The following KSR2 variants were observed in gnomAD, a reference collection of about 807,000 sequenced individuals.
The protein encoded by KSR2 is kinase suppressor of ras 2.
A neutral mutation model predicts 107.8 loss-of-function variants in KSR2; 25 were observed. The ratio of observed to expected loss-of-function variants is 0.23; its 90% CI spans 0.17 to 0.32. KSR2 has a LOEUF of 0.32. Ranked by LOEUF, KSR2 falls within the 10% of genes least tolerant of loss-of-function variation. The pLI is 1.00. For missense variants in KSR2, 887 were observed against 1,268.9 expected, an observed-to-expected ratio of 0.70 and a Z score of 4.57; for synonymous variants, 480 against 507.0, an observed-to-expected ratio of 0.95 and a Z score of 0.71.
At chr12:117,592,630 G>A (rs1046800317) in intron 5 of KSR2, among the ~76,000 whole-genome samples, 4 of 152,218 alleles carry the variant, frequency 2.6e-5, no homozygotes, top group African/African-American at 9.6e-5. Flanking sequence ...TGCCGGTAAA[G>A]AAAGAAAAGA....
chr12:117,699,884 T>C (rs1339148504), intron 4 of KSR2, among the ~76,000 whole-genome samples: 1 of 152,134 alleles, frequency 6.6e-6, no homozygotes, highest in Non-Finnish European at 1.5e-5. Flanking sequence ...TTTTTGATTT[T>C]TTCCTTGAGA....
intron 3 of KSR2, among the ~76,000 whole-genome samples, chr12:117,854,472 T>C (rs1893032545): frequency 6.6e-6 from 1 of 152,222 alleles, no homozygotes; most frequent in South Asian, 2.1e-4. Context: ...CCACTCAGAT[T>C]AGAAGACTTC....
chr12:117,722,492 C>A (rs1247493365), intron 4 of KSR2, among the ~76,000 whole-genome samples: 1 of 152,194 alleles, frequency 6.6e-6, no homozygotes, highest in Non-Finnish European at 1.5e-5. Context: ...TGGCCAAAAC[C>A]CATCAAAACC....
chr12:117,723,574 T>A (rs9669541), intron 4 of KSR2, among the ~76,000 whole-genome samples: 57,997 of 151,842 alleles, frequency 0.38, 11,248 homozygotes, highest in Middle Eastern at 0.48. Context: ...TGCTAGGCCA[T>A]CTTTTGGACA....
At chr12:117,492,041 C>T (rs1437620452) in intron 14 of KSR2, among the ~76,000 whole-genome samples, 5 of 152,302 alleles carry the variant, frequency 3.3e-5, no homozygotes, top group Admixed American at 6.5e-5. Context: ...ATGCACCTCT[C>T]GGTATTTCTG....
chr12:117,853,646 AT>A (rs986974400), intron 3 of KSR2, among the ~76,000 whole-genome samples: 4 of 151,134 alleles, frequency 2.6e-5, no homozygotes, highest in Non-Finnish European at 5.9e-5. Context: ...CTAGCCTGCA[AT>A]TTTTTTTTAA....
intron 3 of KSR2, 138 bp downstream of exon 3, chr12:117,855,290 C>T (rs576050455): frequency 5.8e-4 from 641 of 1,109,452 alleles, no homozygotes; most frequent in Non-Finnish European, 5.7e-4. Flanking sequence ...CACGCTGCCT[C>T]TTCCTGCGTT....
chr12:117,551,198 C>G (rs368888892), intron 9 of KSR2, among the ~76,000 whole-genome samples: 1 of 152,008 alleles, frequency 6.6e-6, no homozygotes, highest in African/African-American at 2.4e-5. Flanking sequence ...CCTCCTTCCC[C>G]CTCCTCCATT....
At chr12:117,755,041 C>T (rs1257441495) in intron 4 of KSR2, among the ~76,000 whole-genome samples, 1 of 152,118 alleles carries the variant, frequency 6.6e-6, no homozygotes, top group African/African-American at 2.4e-5. Flanking sequence ...GAGAAGAAAC[C>T]AGACATGAAA....
intron 1 of KSR2, among the ~76,000 whole-genome samples, chr12:117,912,183 A>T (rs1687073956): frequency 6.6e-6 from 1 of 152,254 alleles, no homozygotes. Context: ...TCTCAGAGCC[A>T]TTATGTACTA....
chr12:117,917,547 A>T (rs1433546407), intron 1 of KSR2, among the ~76,000 whole-genome samples: 1 of 152,160 alleles, frequency 6.6e-6, no homozygotes, highest in African/African-American at 2.4e-5. Context: ...AAAAAGTTTA[A>T]TAAATGAATA....
At chr12:117,859,237 A>G (rs1312391798) in intron 2 of KSR2, among the ~76,000 whole-genome samples, 2 of 141,180 alleles carry the variant, frequency 1.4e-5, no homozygotes, top group East Asian at 4.1e-4. Context: ...CATCTGTCTC[A>G]CAGGTTCAAG....
intron 3 of KSR2, among the ~76,000 whole-genome samples, chr12:117,832,669 C>T (rs1011160796): frequency 6.6e-6 from 1 of 152,222 alleles, no homozygotes; most frequent in Admixed American, 6.5e-5. Flanking sequence ...CTGCCCTTTC[C>T]AGAGCCCTAG....
chr12:117,928,308 G>A (rs541370984), intron 1 of KSR2, among the ~76,000 whole-genome samples: 5 of 151,166 alleles, frequency 3.3e-5, no homozygotes, highest in East Asian at 3.9e-4. Flanking sequence ...TCAGCCTCCC[G>A]AGTAGCTGGA....
intron 1 of KSR2, among the ~76,000 whole-genome samples, chr12:117,908,679 A>C (rs1352316754): frequency 6.6e-6 from 1 of 152,222 alleles, no homozygotes; most frequent in Admixed American, 6.5e-5. Context: ...CCAACATTCT[A>C]ACACAATACA....
At chr12:117,892,204 G>A (rs1261095313) in intron 1 of KSR2, among the ~76,000 whole-genome samples, 1 of 150,840 alleles carries the variant, frequency 6.6e-6, no homozygotes, top group Non-Finnish European at 1.5e-5. Flanking sequence ...TCAGGAGGCT[G>A]AGGGTAGGAG....
intron 14 of KSR2, among the ~76,000 whole-genome samples, chr12:117,497,577 A>T (rs1184728677): frequency 6.6e-6 from 1 of 152,180 alleles, no homozygotes; most frequent in South Asian, 2.1e-4. Context: ...TCCGGGCAGC[A>T]CCTCATTACA....
intron 16 of KSR2, among the ~76,000 whole-genome samples, chr12:117,482,277 G>A (rs1401014450): frequency 2.0e-5 from 3 of 151,998 alleles, no homozygotes; most frequent in Non-Finnish European, 1.5e-5. Context: ...GCCTTCAGAT[G>A]TCTCCAACTT....
At chr12:117,518,305 G>A (rs949221892) in intron 14 of KSR2, among the ~76,000 whole-genome samples, 2 of 152,010 alleles carry the variant, frequency 1.3e-5, no homozygotes, top group African/African-American at 4.8e-5. Flanking sequence ...TTTTCCTGGG[G>A]CACACAGTCT....
Sources: gnomAD v4.1 joint callset for allele counts (sites outside exome capture counted in the v4.1 genomes callset) on GRCh38, gnomAD v4.1.1 for gene constraint, MANE v1.5 for transcripts, NCBI Gene and HGNC (gene_info 2026-07-23, HGNC 2026-07-21) for gene names.